Variants in EVA1C observed in about 807,000 individuals in gnomAD.
The protein encoded by EVA1C is eva-1 homolog C.
In EVA1C, 25 loss-of-function variants were observed where a neutral mutation model predicts 45.4. The ratio of observed to expected loss-of-function variants is 0.55; its 90% confidence interval spans 0.40 to 0.77. The LOEUF is 0.77. EVA1C is among the 30% of genes least tolerant of loss of function. The pLI is 0.00. For missense variants in EVA1C, 479 were observed against 554.8 expected (o/e 0.86, Z 1.37); for synonymous variants, 190 against 221.2 (o/e 0.86, Z 1.25).
At chr21:32,434,357 C>T (rs529045023) in intron 1 of EVA1C, among the ~76,000 whole-genome samples, 6 of 140,916 alleles carry the variant, frequency 4.3e-5, no homozygotes, top group East Asian at 2.1e-4. Flanking sequence ...TTTGGGAGGC[C>T]GAGATGGGCG....
chr21:32,456,744 T>C, intron 2 of EVA1C, among the ~76,000 whole-genome samples: 1 of 152,200 alleles, frequency 6.6e-6, no homozygotes, highest in East Asian at 1.9e-4. Context: ...AGACCCAAGT[T>C]CAGGACCTCT....
chr21:32,421,209 AGCTGGT>A (rs1308868454), intron 1 of EVA1C, among the ~76,000 whole-genome samples: 1 of 152,250 alleles, frequency 6.6e-6, no homozygotes, highest in Admixed American at 6.5e-5. Flanking sequence ...TAGGGATGAT[AGCTGGT>A]GCTAACCCTA....
At chr21:32,428,484 T>C in intron 1 of EVA1C, 1 of 152,220 alleles carries the variant, frequency 6.6e-6, no homozygotes, top group East Asian at 1.9e-4. Context: ...CTCCTGTGGG[T>C]GTAGCTAAAA....
At chr21:32,505,075 G>T (rs1286553146) in intron 7 of EVA1C, among the ~76,000 whole-genome samples, 2 of 152,106 alleles carry the variant, frequency 1.3e-5, no homozygotes, top group Non-Finnish European at 2.9e-5. Flanking sequence ...CCCACCCCAT[G>T]ATTCAATTAC....
At chr21:32,466,040 G>T (rs557167220) in intron 3 of EVA1C, among the ~76,000 whole-genome samples, 1 of 152,080 alleles carries the variant, frequency 6.6e-6, no homozygotes, top group East Asian at 1.9e-4. Flanking sequence ...GCCTCTAAAG[G>T]TTTGCCTCCT....
chr21:32,435,516 A>G (rs1454649680), intron 1 of EVA1C, among the ~76,000 whole-genome samples: 7 of 152,146 alleles, frequency 4.6e-5, no homozygotes, highest in African/African-American at 1.4e-4. Flanking sequence ...CAGCCCATCC[A>G]CAACAGATTC....
Position 32,501,514 on chromosome 21 carries a change from T to G in EVA1C, c.859+19T>G. 1 of 1,593,276 alleles carries G rather than the reference T, an allele frequency of 6.3e-7. No homozygotes were observed. Among genetic ancestry groups the G allele is most frequent in the Non-Finnish European group, 8.5e-7 (1 of 1,178,314 alleles). ...GAATATGGTAATTTTTATGGCTTAC[T>G]ACCAGCATTTCTCTTTAAGTAAAGG... On this transcript the variant is annotated intron_variant, in intron 6 of 7. Coordinates refer to ENST00000300255, the MANE Select transcript of EVA1C (RefSeq NM_058187.5).
rs553396659 is a variant in EVA1C at position 32,416,663 on chromosome 21, C to T, written c.160+3650C>T. On this transcript the variant is annotated intron_variant, in intron 1 of 7. Coordinates refer to ENST00000300255, the MANE Select transcript of EVA1C (RefSeq NM_058187.5). ...CTTTTTCTTTTGTTTCCTTTTTTCT[C>T]CAAGAAGTTCAAAGTGATTGATGGG... is the stretch of plus-strand genomic sequence containing the variant. 3.9e-5 allele frequency among the ~76,000 whole-genome samples: 6 copies of T among 152,100 alleles called. No homozygotes were observed. In the South Asian group the frequency reaches 6.2e-4, roughly 16 times the overall value.
In EVA1C at chr21:32,412,839, G is replaced by A. The variant is rs1298973758; in HGVS notation, c.-15G>A. ...CGTCCCGGGCCTGCGCCTCCGCCCC[G>A]CCGCGCAGCGCACGATGCTTCTGCC... On this transcript the variant is annotated 5_prime_UTR_variant, in exon 1 of 8. Coordinates refer to ENST00000300255, the MANE Select transcript of EVA1C (RefSeq NM_058187.5). 2 of 1,425,178 alleles carry A rather than the reference G, an allele frequency of 1.4e-6. No homozygotes were observed. The highest frequency in any genetic ancestry group is 1.8e-6 in the Non-Finnish European group (2 of 1,097,058). The allele number at this position is 1,425,178 out of a possible 1,614,324, so 88.3% of individuals were successfully genotyped here. A position where few individuals can be genotyped will look rare whatever the true frequency, so the allele number is the denominator to read the frequency against.
chr21:32,413,165 A>G, intron 1 of EVA1C, 152 bp downstream of exon 1: 1 of 609,080 alleles, frequency 1.6e-6, no homozygotes, highest in Middle Eastern at 3.1e-4. Context: ...CCCTTGGCAT[A>G]TAGATGGCTG....
At chr21:32,513,187 A>T (rs967909439) in intron 7 of EVA1C, among the ~76,000 whole-genome samples, 7 of 133,172 alleles carry the variant, frequency 5.3e-5, no homozygotes, top group South Asian at 4.9e-4. Flanking sequence ...TTATTTATTT[A>T]TTTTTTTGAG....
intron 4 of EVA1C, among the ~76,000 whole-genome samples, chr21:32,485,168 A>T (rs899303827): frequency 4.6e-5 from 7 of 151,188 alleles, no homozygotes; most frequent in African/African-American, 1.7e-4. Context: ...CACACCTGAA[A>T]CTCACCTGAT....
chr21:32,450,321 C>G (rs2035532575), intron 1 of EVA1C, among the ~76,000 whole-genome samples: 1 of 151,820 alleles, frequency 6.6e-6, no homozygotes, highest in Non-Finnish European at 1.5e-5. Flanking sequence ...CAGCTCCTCT[C>G]TTCATGAACC....
chr21:32,496,594 A>C lies in EVA1C; in HGVS notation c.778+1424A>C, dbSNP rs73353092. Reference sequence around the variant, plus strand: ...GGCTGAGGTTCCCCCAGAGGCCAAAAAGGTCACTTTGAGTACATCCTTGGA... The same window carrying C: ...GGCTGAGGTTCCCCCAGAGGCCAAACAGGTCACTTTGAGTACATCCTTGGA... On this transcript the variant is annotated intron_variant, in intron 5 of 7. Coordinates refer to ENST00000300255, the MANE Select transcript of EVA1C (RefSeq NM_058187.5). Among the ~76,000 whole-genome samples, 739 of 152,320 alleles carry C rather than the reference A, an allele frequency of 4.9e-3. 5 individuals are homozygous for C. Among genetic ancestry groups the C allele is most frequent in the African/African-American group, 0.017 (701 of 41,580 alleles).
rs1443394990 is a variant in EVA1C at position 32,430,697 on chromosome 21, G to C, written c.160+17684G>C. 2.0e-5 allele frequency among the ~76,000 whole-genome samples: 3 copies of C among 152,168 alleles called. No homozygotes were observed. In the South Asian group the frequency reaches 6.2e-4, roughly 32 times the overall value. The stretch of plus-strand genomic sequence containing the variant: ...TTATAAAACCATTAGATCAGGCAGG[G>C]CACAGTGGCTCACACCTCTAATCAC... On this transcript the variant is annotated intron_variant, in intron 1 of 7. Transcript: ENST00000300255.
At chr21:32,440,475 C>A (rs1016517506) in intron 1 of EVA1C, among the ~76,000 whole-genome samples, 2 of 152,052 alleles carry the variant, frequency 1.3e-5, no homozygotes, top group Non-Finnish European at 2.9e-5. Flanking sequence ...GGATTGAAGG[C>A]CTTTGGTTGA....
At position 32,412,768 on chromosome 21, in the gene EVA1C, T is replaced by G; in HGVS notation, c.-86T>G. On this transcript the variant is annotated 5_prime_UTR_variant, in exon 1 of 8. Coordinates refer to ENST00000300255, the MANE Select transcript of EVA1C (RefSeq NM_058187.5). ...GGGCCGCGGAGCCGCTGGCCATCGA[T>G]TCTCCCCGCCATGTGACGCCGTCCT... The G allele has an allele frequency of 2.4e-6, 3 of 1,251,722 alleles. No individual in the cohort carries two copies. The highest frequency in any genetic ancestry group is 3.2e-5 in the East Asian group (1 of 31,094). The allele number at this position is 1,251,722 out of a possible 1,614,324, so 77.5% of individuals were successfully genotyped here. A position where few individuals can be genotyped will look rare whatever the true frequency, so the allele number is the denominator to read the frequency against.
chr21:32,453,236 A>G (rs2035650474), intron 1 of EVA1C, 76 bp from the exon 2 acceptor site: 2 of 1,085,858 alleles, frequency 1.8e-6, no homozygotes, highest in Non-Finnish European at 1.3e-6. Context: ...AGGGGAACCA[A>G]CGTCCTCCTG....
At chr21:32,477,010 G>C (rs2146335188) in intron 4 of EVA1C, among the ~76,000 whole-genome samples, 1 of 152,212 alleles carries the variant, frequency 6.6e-6, no homozygotes, top group East Asian at 1.9e-4. Context: ...ATTGAACAGA[G>C]CTTCCCAACC....
Sources: allele counts gnomAD v4.1 joint callset (sites outside exome capture counted in the v4.1 genomes callset), GRCh38; gene constraint gnomAD v4.1.1; transcripts MANE v1.5; gene names NCBI Gene and HGNC (gene_info 2026-07-23, HGNC 2026-07-21).